Variants in JAG2 observed in about 807,000 individuals in gnomAD.
JAG2 encodes the protein protein jagged-2.
A neutral mutation model predicts 141.7 loss-of-function variants in JAG2; 46 were observed. That is an observed-to-expected ratio of 0.32 (90% CI 0.26 to 0.42). JAG2 has a LOEUF of 0.42. Ranked by LOEUF, JAG2 falls within the 10% of genes least tolerant of loss-of-function variation. JAG2 has a pLI of 1.00. For missense variants in JAG2, 1,500 were observed against 1,817.5 expected, an observed-to-expected ratio of 0.83 and a Z score of 3.18; for synonymous variants, 862 against 763.5, an observed-to-expected ratio of 1.13 and a Z score of -2.13.
At chr14:105,145,694 T>A in intron 23 of JAG2, 37 bp downstream of exon 23, 1 of 1,569,024 alleles carries the variant, frequency 6.4e-7, no homozygotes, top group Non-Finnish European at 8.6e-7. Context: ...TGCCGGCGTG[T>A]GGCCTCTGCA....
At chr14:105,146,980 G>A (rs1195571228) in intron 20 of JAG2, 12 of 621,334 alleles carry the variant, frequency 1.9e-5, no homozygotes, top group East Asian at 2.8e-5. Context: ...CAGCTGCTGC[G>A]TCGGACCAGC....
At position 105,153,133 on chromosome 14, in the gene JAG2, C is replaced by T. The variant is rs959033016; in HGVS notation, c.789-842G>A. On this transcript the variant is annotated intron_variant, in intron 5 of 25. Transcript: ENST00000331782. ...CCTAGAACTCTCCGGTCCTGCAGGACGGGAATGTCATCCAGGCCACGTCAC... is the reference window on the plus strand; with the variant it reads ...CCTAGAACTCTCCGGTCCTGCAGGATGGGAATGTCATCCAGGCCACGTCAC... 4.6e-5 allele frequency among the ~76,000 whole-genome samples: 7 copies of T among 152,124 alleles called. No homozygotes were observed. The South Asian group carries it at 8.3e-4, about 18-fold the overall frequency.
intron 24 of JAG2, 143 bp downstream of exon 24, chr14:105,144,787 C>T (rs768187145): frequency 3.6e-5 from 39 of 1,087,320 alleles, no homozygotes; most frequent in Non-Finnish European, 4.4e-5. Flanking sequence ...GCATGGACAG[C>T]GAGGGGCCGC....
chr14:105,156,535 A>G (rs1050730841), intron 3 of JAG2, among the ~76,000 whole-genome samples: 1 of 151,544 alleles, frequency 6.6e-6, no homozygotes, highest in Non-Finnish European at 1.5e-5. Context: ...AGGTCCCGTG[A>G]CCCGCTGTCT....
chr14:105,151,488 C>CT, intron 8 of JAG2, 92 bp from the exon 9 acceptor site: 5 of 1,392,476 alleles, frequency 3.6e-6, no homozygotes, highest in Non-Finnish European at 5.0e-6. Context: ...CTGGGTCTTC[C>CT]TGCCATTTGT....
At chr14:105,147,052 G>A in intron 20 of JAG2, 1 of 602,514 alleles carries the variant, frequency 1.7e-6, no homozygotes, top group East Asian at 2.8e-5. Flanking sequence ...CGGCCACAGA[G>A]GAGCCCACGT....
At chr14:105,147,936 G>A in intron 17 of JAG2, 48 bp from the exon 18 acceptor site, 1 of 1,439,998 alleles carries the variant, frequency 6.9e-7, no homozygotes, top group Non-Finnish European at 9.5e-7. Context: ...CCCTGGGCTG[G>A]CCCTGGGTCT....
chr14:105,147,574 G>T, intron 18 of JAG2, 47 bp from the exon 19 acceptor site: 1 of 1,581,652 alleles, frequency 6.3e-7, no homozygotes, highest in Non-Finnish European at 8.7e-7. Flanking sequence ...CACCCCCCAA[G>T]CGTGCCAGGC....
chr14:105,157,725 G>C lies in JAG2; in HGVS notation c.456C>G (p.Asp152Glu). ...ACTCACCATTCGGGGTGGTATCGTT[G>C]TCCCAGTCCCAGGCCTCCACGATGA... Reference protein sequence around the residue: ...FTLIVEAWDWDNDTTPNEELL... With the variant: ...FTLIVEAWDWENDTTPNEELL... Residue 152 changes from aspartate (D) to glutamate (E), a missense_variant, in exon 3 of 26, where the codon GAC becomes GAG. Physicochemically the swap from Asp to Glu is conservative, Grantham distance 45. This residue lies in a region of JAG2 where 875 missense variants were observed against 1,202.2 expected (regional missense o/e 0.73). Transcript: ENST00000331782. 6.4e-7 allele frequency: 1 copy of C among 1,572,322 alleles called. No homozygotes were observed. The highest frequency in any genetic ancestry group is 2.4e-5 in the East Asian group (1 of 42,232).
chr14:105,145,985 C>T lies in JAG2; in HGVS notation c.2710-12G>A, dbSNP rs375757537. 106 of 1,592,540 alleles carry T rather than the reference C, an allele frequency of 6.7e-5. 1 individual carries two copies. Among genetic ancestry groups the T allele is most frequent in the African/African-American group, 6.4e-4 (48 of 74,598 alleles). ...CATCCGCACCACACCTGGGCAGGCA[C>T]GCACAGGAGGGTCAGGCGCAGGCGC... On this transcript the variant is annotated splice_polypyrimidine_tract_variant and intron_variant, in intron 22 of 25. Coordinates refer to ENST00000331782, the MANE Select transcript of JAG2 (RefSeq NM_002226.5).
In JAG2 at chr14:105,166,011, T is replaced by G. The variant is rs587633774; in HGVS notation, c.417+1746A>C. Among the ~76,000 whole-genome samples, 81 of 152,346 alleles carry G rather than the reference T, an allele frequency of 5.3e-4. 1 individual carries two copies. The highest frequency in any genetic ancestry group is 8.5e-4 in the Admixed American group (13 of 15,314). ...GCTCCCGCCCGGCAGCCAGGCCACA[T>G]GGCAGGAGACCAGGGCTGCCCCCAA... On this transcript the variant is annotated intron_variant, in intron 2 of 25. Coordinates refer to ENST00000331782, the MANE Select transcript of JAG2 (RefSeq NM_002226.5).
chr14:105,155,881 C>A lies in JAG2; in HGVS notation c.584G>T (p.Arg195Leu). Residue 195 changes from arginine (R) to leucine (L), a missense_variant, in exon 4 of 26, where the codon CGC becomes CTC. Around this residue, in one of 3 missense-constraint regions of JAG2, gnomAD observed 875 missense variants for 1,202.2 expected, o/e 0.73. Coordinates refer to ENST00000331782, the MANE Select transcript of JAG2 (RefSeq NM_002226.5). Reference sequence around the variant, plus strand: ...GTAGTAGTTCTCGTCGCAGCGCACGCGGATCTGCAGCTCCAGGTGCGCCAC... The same window carrying A: ...GTAGTAGTTCTCGTCGCAGCGCACGAGGATCTGCAGCTCCAGGTGCGCCAC... Reference protein sequence around the residue: ...GHVAHLELQIRVRCDENYYSA... With the variant: ...GHVAHLELQILVRCDENYYSA... The A allele has an allele frequency of 6.2e-7, 1 of 1,612,136 alleles. No individual in the cohort carries two copies. Among genetic ancestry groups the A allele is most frequent in the Non-Finnish European group, 8.5e-7 (1 of 1,179,694 alleles).
At chr14:105,153,065 C>T (rs1410847860) in intron 5 of JAG2, among the ~76,000 whole-genome samples, 1 of 152,128 alleles carries the variant, frequency 6.6e-6, no homozygotes, top group Non-Finnish European at 1.5e-5. Flanking sequence ...CAAGGCTCAG[C>T]AGGCTGCCAT....
chr14:105,151,971 G>C lies in JAG2; in HGVS notation c.1006C>G (p.Pro336Ala), dbSNP rs747476120. 3 of 1,613,346 alleles carry C rather than the reference G, an allele frequency of 1.9e-6. No individual in the cohort carries two copies. In the South Asian group the frequency reaches 3.3e-5, roughly 18 times the overall value. Residue 336 changes from proline (P) to alanine (A), a missense_variant, in exon 7 of 26, where the codon CCT becomes GCT. Coordinates refer to ENST00000331782, the MANE Select transcript of JAG2 (RefSeq NM_002226.5). Reference sequence around the variant, plus strand: ...CAGTTCCTGCCCGAGTAGCCGTCAGGGCAGGTGCAGCGGTACTGGTCAGGC... The same window carrying C: ...CAGTTCCTGCCCGAGTAGCCGTCAGCGCAGGTGCAGCGGTACTGGTCAGGC... Reference protein sequence around the residue: ...AEPDQYRCTCPDGYSGRNCEK... With the variant: ...AEPDQYRCTCADGYSGRNCEK...
intron 5 of JAG2, 129 bp downstream of exon 5, chr14:105,155,433 C>T (rs2140984555): frequency 9.7e-7 from 1 of 1,029,110 alleles, no homozygotes; most frequent in Non-Finnish European, 1.5e-6. Context: ...AGCTCAGGGC[C>T]CGGCTCTCAC....
At position 105,142,604 on chromosome 14, in the gene JAG2, G is replaced by T. The variant is rs1314789016; in HGVS notation, c.*91C>A. On this transcript the variant is annotated 3_prime_UTR_variant, in exon 26 of 26. Transcript: ENST00000331782. ...TGGTGGTTTTTTTACACAAAATAAA[G>T]AAACTATGCACATGGCCTCGGCCTC... The T allele has an allele frequency of 2.0e-5, 18 of 908,818 alleles. No homozygotes were observed. Among genetic ancestry groups the T allele is most frequent in the African/African-American group, 3.4e-5 (2 of 59,058 alleles). The allele number at this position is 908,818 out of a possible 1,614,324, so 56.3% of individuals were successfully genotyped here.
At position 105,143,525 on chromosome 14, in the gene JAG2, G is replaced by A. The variant is rs368783099; in HGVS notation, c.3198C>T (p.Thr1066=). 3.1e-5 allele frequency: 49 copies of A among 1,583,012 alleles called. No homozygotes were observed. The East Asian group carries it at 5.5e-4, about 18-fold the overall frequency. ...RGNSSLLLAV[T]EVKVETVVTG... is the part of the protein sequence containing the mutation. ...TAACAACCGTCTCCACCTTGACCTC[G>A]GTGACAGCCAGGAGCAGTGAGCTGT... The change falls in exon 25 of 26, where the codon ACC becomes ACT. Residue 1066 remains threonine, a synonymous_variant. Coordinates refer to ENST00000331782, the MANE Select transcript of JAG2 (RefSeq NM_002226.5).
rs769589604 is a variant in JAG2 at position 105,168,077 on chromosome 14, G to C, written c.97C>G (p.Gln33Glu). Residue 33 changes from glutamine (Q) to glutamate (E), a missense_variant, in exon 2 of 26, where the codon CAG (glutamine) becomes GAG (glutamate). Transcript: ENST00000331782. ...TTCACGTTCCGCAGCGCGCTCAGCTGCAGCTCGAAATAGCCCATGGGCCGC... is the reference window on the plus strand; with the variant it reads ...TTCACGTTCCGCAGCGCGCTCAGCTCCAGCTCGAAATAGCCCATGGGCCGC... ...AARPMGYFEL[Q>E]LSALRNVNGE... The C allele has an allele frequency of 2.5e-6, 4 of 1,587,438 alleles. No individual in the cohort carries two copies. The highest frequency in any genetic ancestry group is 3.4e-6 in the Non-Finnish European group (4 of 1,174,752).
chr14:105,168,115 T>C lies in JAG2; in HGVS notation c.67-8A>G, dbSNP rs376364515. ...GCCCATGGGCCGCGCCGCCTAAAAA[T>C]AAGGCAGCGGGAGAGCGGAGGGAGG... On this transcript the variant is annotated splice_polypyrimidine_tract_variant and splice_region_variant and intron_variant, in intron 1 of 25. Transcript: ENST00000331782. 2.0e-6 allele frequency: 3 copies of C among 1,536,086 alleles called. No individual in the cohort carries two copies. The highest frequency in any genetic ancestry group is 1.7e-6 in the Non-Finnish European group (2 of 1,150,984).
Sources: gnomAD v4.1 joint callset for allele counts (sites outside exome capture counted in the v4.1 genomes callset) on GRCh38, gnomAD v4.1.1 for gene constraint, gnomAD v4.1.1 regional missense constraint, MANE v1.5 for transcripts, NCBI Gene and HGNC (gene_info 2026-07-23, HGNC 2026-07-21) for gene names.